The following PTPRB variants were observed in gnomAD, a reference collection of about 807,000 sequenced individuals.
PTPRB encodes protein tyrosine phosphatase receptor type B, also known as receptor-type tyrosine-protein phosphatase beta.
PTPRB carries 97 observed loss-of-function variants against 238.1 expected under a neutral mutation model. The observed-to-expected ratio is 0.41, with a 90% CI of 0.35 to 0.48. The LOEUF (loss-of-function observed/expected upper bound fraction) is 0.48, where lower values mean the gene tolerates loss of function less well. Ranked by LOEUF, PTPRB falls within the 20% of genes least tolerant of loss-of-function variation. PTPRB has a pLI of 0.30. For synonymous variants in PTPRB, 970 were observed against 995.4 expected (o/e 0.97, Z 0.48); for missense variants, 2,292 against 2,681.9 (o/e 0.85, Z 3.21).
Position 70,609,274 on chromosome 12 carries a change from A to G in PTPRB, c.774T>C (p.Ser258=). The change falls in exon 4 of 34, where the codon TCT becomes TCC. Residue 258 remains serine (S), a synonymous_variant. Coordinates refer to ENST00000334414, the MANE Select transcript of PTPRB (RefSeq NM_001109754.4). The part of the protein sequence containing the change: ...TLAESKASSH[S]VSIQWRILGS... ...CCAAAATTCTCCACTGGATAGACAC[A>G]GAATGGCTGGAGGCCTTGGACTCCG... The G allele has an allele frequency of 6.2e-7, 1 of 1,614,082 alleles. No individual in the cohort carries two copies. Among genetic ancestry groups the G allele is most frequent in the African/African-American group, 1.3e-5 (1 of 75,082 alleles).
chr12:70,585,920 G>A (rs1881860540), intron 9 of PTPRB, among the ~76,000 whole-genome samples: 1 of 152,034 alleles, frequency 6.6e-6, no homozygotes, highest in Non-Finnish European at 1.5e-5. Flanking sequence ...CTTTGGGATA[G>A]TTTGCTCAGA....
In PTPRB at chr12:70,532,071, G is replaced by A. The variant is rs1211303852; in HGVS notation, c.6468C>T (p.Asp2156=). 23 of 1,613,900 alleles carry A rather than the reference G, an allele frequency of 1.4e-5. No homozygotes were observed. Among genetic ancestry groups the A allele is most frequent in the Non-Finnish European group, 1.8e-5 (21 of 1,179,882 alleles). ...DSVDIYGAVH[D]LRLHRVHMVQ... ...CCATGTGAACCCTGTGAAGTCTTAGGTCGTGCACTGCTCCATAAATGTCCA... is the reference window on the plus strand; with the variant it reads ...CCATGTGAACCCTGTGAAGTCTTAGATCGTGCACTGCTCCATAAATGTCCA... Residue 2156 remains aspartate (D), a synonymous_variant, in exon 32 of 34, where the codon GAC becomes GAT. Transcript: ENST00000334414.
At position 70,635,622 on chromosome 12, in the gene PTPRB, A is replaced by C. The variant is rs374336790; in HGVS notation, c.451+49T>G. On this transcript the variant is annotated intron_variant, in intron 2 of 33. Transcript: ENST00000334414. ...CAAACAAACAAACAAAACCCCCAAG[A>C]TATTTAGTAGAAAGACTTTCAGGAT... is the stretch of plus-strand genomic sequence containing the variant. 1.9e-6 allele frequency: 3 copies of C among 1,560,302 alleles called. No homozygotes were observed. In the African/African-American group the frequency reaches 4.1e-5, roughly 21 times the overall value.
intron 3 of PTPRB, 119 bp downstream of exon 3, chr12:70,622,271 G>C: frequency 1.4e-6 from 2 of 1,409,370 alleles, no homozygotes; most frequent in Admixed American, 2.1e-5. Flanking sequence ...CCAGGACACA[G>C]GGTGAGAGTG....
intron 18 of PTPRB, chr12:70,559,009 C>T (rs1878094734): frequency 7.1e-6 from 3 of 422,132 alleles, no homozygotes; most frequent in Non-Finnish European, 1.3e-5. Context: ...TGGATGTTTC[C>T]TTTTCCAAGA....
intron 3 of PTPRB, 122 bp downstream of exon 3, chr12:70,622,268 A>G (rs1044046834): frequency 3.4e-5 from 47 of 1,367,450 alleles, no homozygotes; most frequent in Non-Finnish European, 4.5e-5. Flanking sequence ...CAGCCAGGAC[A>G]CAGGGTGAGA....
intron 18 of PTPRB, among the ~76,000 whole-genome samples, chr12:70,556,751 T>C (rs1877739051): frequency 1.3e-5 from 2 of 151,908 alleles, no homozygotes; most frequent in Admixed American, 1.3e-4. Context: ...TAAAGAAAAA[T>C]TCCTGAAAGA....
intron 11 of PTPRB, among the ~76,000 whole-genome samples, chr12:70,575,502 T>G (rs1880585576): frequency 6.6e-6 from 1 of 152,182 alleles, no homozygotes; most frequent in East Asian, 1.9e-4. Flanking sequence ...GACTCCCAGG[T>G]GGGACCCCTG....
intron 11 of PTPRB, among the ~76,000 whole-genome samples, chr12:70,573,672 A>AT (rs1210756582): frequency 6.6e-6 from 1 of 151,282 alleles, no homozygotes; most frequent in African/African-American, 2.4e-5. Flanking sequence ...CACCTAGCTA[A>AT]TTTTTTGTAT....
chr12:70,581,336 A>C, intron 9 of PTPRB, 34 bp from the exon 10 acceptor site: 2 of 1,566,242 alleles, frequency 1.3e-6, no homozygotes, highest in Non-Finnish European at 8.6e-7. Context: ...AACAAATGAC[A>C]CTTAGTCACC....
At chr12:70,595,822 A>C (rs1341722499) in intron 5 of PTPRB, among the ~76,000 whole-genome samples, 2 of 152,194 alleles carry the variant, frequency 1.3e-5, no homozygotes, top group Non-Finnish European at 2.9e-5. Flanking sequence ...ATTCCACAGA[A>C]GTCCCATGAC....
chr12:70,559,453 C>T lies in PTPRB; in HGVS notation c.4604G>A (p.Arg1535His), dbSNP rs1170890765. The T allele has an allele frequency of 1.9e-6, 3 of 1,613,952 alleles. No individual in the cohort carries two copies. Among genetic ancestry groups the T allele is most frequent in the East Asian group, 2.2e-5 (1 of 44,882 alleles). Reference sequence around the variant, plus strand: ...CCCTGGACGAAGACCATACACAATGCGTCCTTCTGATTTTCTGTTGTTGTA... The same window carrying T: ...CCCTGGACGAAGACCATACACAATGTGTCCTTCTGATTTTCTGTTGTTGTA... ...NPYNNRKSEGRIVYGLRPGRS... is the reference protein window; with the variant it reads ...NPYNNRKSEGHIVYGLRPGRS... Residue 1535 changes from arginine (R) to histidine (H), a missense_variant, in exon 18 of 34, where the codon CGC becomes CAC. Physicochemically the swap from Arg to His is conservative, Grantham distance 29. Transcript: ENST00000334414.
intron 2 of PTPRB, among the ~76,000 whole-genome samples, chr12:70,631,085 G>C (rs1566026616): frequency 2.0e-5 from 3 of 151,986 alleles, no homozygotes; most frequent in Admixed American, 2.0e-4. Context: ...CTACTTTAAA[G>C]TTCATATGGA....
At position 70,560,048 on chromosome 12, in the gene PTPRB, GC is replaced by G. The variant is rs1267412074; in HGVS notation, c.4433-425del. Among the ~76,000 whole-genome samples, 1 of 151,928 alleles carries G rather than the reference GC, an allele frequency of 6.6e-6. No individual in the cohort carries two copies. Among genetic ancestry groups the G allele is most frequent in the Non-Finnish European group, 1.5e-5 (1 of 68,000 alleles). On this transcript the variant is annotated intron_variant, in intron 17 of 33. Coordinates refer to ENST00000334414, the MANE Select transcript of PTPRB (RefSeq NM_001109754.4). This position sits in a 1 kb window ranked among gnomAD's most constrained non-coding sequence, Gnocchi z 4.2. The stretch of plus-strand genomic sequence containing the variant: ...GACAGGGTTTCCTCTCGTTGACCAG[GC>G]TGGTCTCGAACTCCAGACCTCAAGT...
Position 70,563,172 on chromosome 12 carries a change from G to A in PTPRB, c.3905-65C>T. On this transcript the variant is annotated intron_variant, in intron 15 of 33. Transcript: ENST00000334414. ...GCAGTGAGGAGAAGGGAGCAGGTGG[G>A]GAAGAGGGAAAAGCAAACAGAAAGA... is the stretch of plus-strand genomic sequence containing the variant. The A allele has an allele frequency of 2.1e-6, 3 of 1,439,742 alleles. No homozygotes were observed. The African/African-American group carries it at 4.5e-5, about 21-fold the overall frequency. The allele number at this position is 1,439,742 out of a possible 1,614,324, so 89.2% of individuals were successfully genotyped here. A position where few individuals can be genotyped will look rare whatever the true frequency, so the allele number is the denominator to read the frequency against.
At chr12:70,563,529 T>A (rs2567131) in intron 15 of PTPRB, among the ~76,000 whole-genome samples, 81,638 of 152,046 alleles carry the variant, frequency 0.54, 22,995 homozygotes, top group Non-Finnish European at 0.63. Flanking sequence ...TTATTTCCCA[T>A]GGATCCATCC....
chr12:70,537,284 CAAAAAAAAAAAAAA>C lies in PTPRB; in HGVS notation c.5946+857_5946+870del, dbSNP rs58633138. On this transcript the variant is annotated intron_variant, in intron 28 of 33. Coordinates refer to ENST00000334414, the MANE Select transcript of PTPRB (RefSeq NM_001109754.4). ...CCTGGCAGACAGAGCAAGACCATCT[CAAAAAAAAAAAAAA>C]AAAAAAAAAAGAAAGAAATACAGAT... 2.3e-4 allele frequency among the ~76,000 whole-genome samples: 21 copies of C among 90,694 alleles called. 1 individual carries two copies. The highest frequency in any genetic ancestry group is 4.1e-5 in the Non-Finnish European group (2 of 48,224). 59.5% of individuals were successfully genotyped at this position (90,694 alleles called of 152,430 possible). A position where few individuals can be genotyped will look rare whatever the true frequency, so the allele number is the denominator to read the frequency against.
chr12:70,555,018 A>G (rs947296501), intron 20 of PTPRB, 142 bp downstream of exon 20: 52 of 913,352 alleles, frequency 5.7e-5, no homozygotes, highest in Middle Eastern at 6.7e-4. Flanking sequence ...ATCTCCCTGT[A>G]TCCAGCAGAG....
At chr12:70,584,098 CA>C (rs1400429601) in intron 9 of PTPRB, among the ~76,000 whole-genome samples, 1 of 151,588 alleles carries the variant, frequency 6.6e-6, no homozygotes, top group East Asian at 1.9e-4. Flanking sequence ...GAAAGAGAGC[CA>C]AAGAGAATGC....
Sources: allele counts gnomAD v4.1 joint callset (sites outside exome capture counted in the v4.1 genomes callset), GRCh38; gene constraint gnomAD v4.1.1; non-coding constraint Gnocchi (gnomAD v3.1); transcripts MANE v1.5; gene names NCBI Gene and HGNC (gene_info 2026-07-23, HGNC 2026-07-21).